DHX35: variants seen among roughly 807,000 people sequenced by gnomAD.
DHX35 encodes DEAH-box helicase 35.
Under a neutral mutation model 99.6 loss-of-function variants are expected in DHX35, and 84 were observed. The observed-to-expected ratio is 0.84, with a 90% CI of 0.71 to 1.01. DHX35 has a LOEUF of 1.01. DHX35 is among the 50% of genes least tolerant of loss of function. The probability of loss-of-function intolerance (pLI) is 0.00; values close to 1 mark genes in which losing one functional copy is unlikely to be tolerated. For synonymous variants in DHX35, 331 were observed against 316.2 expected (o/e 1.05, Z -0.50); for missense variants, 852 against 888.5 (o/e 0.96, Z 0.52).
At chr20:39,006,022 A>G (rs888164538) in intron 11 of DHX35, 124 bp from the exon 12 acceptor site, 2 of 1,108,236 alleles carry the variant, frequency 1.8e-6, no homozygotes, top group South Asian at 1.4e-5. Context: ...TCTTTCTAGT[A>G]TATTAAACTG....
chr20:38,963,324 G>A (rs2085863820), intron 1 of DHX35, among the ~76,000 whole-genome samples: 1 of 152,172 alleles, frequency 6.6e-6, no homozygotes, highest in Non-Finnish European at 1.5e-5. Context: ...GTATATTGCA[G>A]CAAAAATGAA....
chr20:38,988,666 G>A (rs1438133970), intron 4 of DHX35, 147 bp from the exon 5 acceptor site: 1 of 1,131,604 alleles, frequency 8.8e-7, no homozygotes, highest in Non-Finnish European at 1.2e-6. Context: ...AAGTTATTAT[G>A]CTTGTTCTCT....
chr20:39,018,539 A>C (rs3752299), intron 14 of DHX35, among the ~76,000 whole-genome samples: 2 of 151,094 alleles, frequency 1.3e-5, no homozygotes, highest in South Asian at 4.2e-4. Context: ...CTGCAGGGGG[A>C]TTTCCTTATA....
intron 9 of DHX35, among the ~76,000 whole-genome samples, 161 bp from the exon 10 acceptor site, chr20:39,002,611 A>G (rs982456790): frequency 6.6e-6 from 1 of 152,242 alleles, no homozygotes; most frequent in Non-Finnish European, 1.5e-5. Context: ...TGAATATTAG[A>G]TTTGAAAAAA....
intron 15 of DHX35, among the ~76,000 whole-genome samples, chr20:39,020,656 C>T (rs76871559): frequency 2.9e-3 from 307 of 105,092 alleles, no homozygotes; most frequent in African/African-American, 3.9e-3. Context: ...AAACAGGATT[C>T]TTTTTTTTTT....
chr20:38,964,112 G>T (rs2085875384), intron 1 of DHX35, among the ~76,000 whole-genome samples: 1 of 152,224 alleles, frequency 6.6e-6, no homozygotes, highest in African/African-American at 2.4e-5. Context: ...TATGGAAGAG[G>T]GAGGGAAAGT....
chr20:38,989,239 A>AGGCGACC (rs922658039), intron 5 of DHX35, among the ~76,000 whole-genome samples: 6 of 147,740 alleles, frequency 4.1e-5, no homozygotes, highest in African/African-American at 1.5e-4. Context: ...CTGGGACTAC[A>AGGCGACC]GGCGACCGTC....
chr20:38,994,857 G>A lies in DHX35; in HGVS notation c.619G>A (p.Ala207Thr). 1 of 1,613,642 alleles carries A rather than the reference G, an allele frequency of 6.2e-7. No homozygotes were observed. The highest frequency in any genetic ancestry group is 8.5e-7 in the Non-Finnish European group (1 of 1,179,710). ...GCGAGGGGATCTTCGATTGATTGTA[G>A]CTTCAGCCACTCTGGATGCAGACGT... ...KKRGDLRLIV[A>T]SATLDADKFR... The change falls in exon 8 of 22, where the codon GCT becomes ACT. Residue 207 changes from alanine to threonine, a missense_variant. Transcript: ENST00000252011.
At position 39,014,889 on chromosome 20, in the gene DHX35, G is replaced by T; in HGVS notation, c.1357G>T (p.Ala453Ser). 2 of 1,614,160 alleles carry T rather than the reference G, an allele frequency of 1.2e-6. No individual in the cohort carries two copies. Among genetic ancestry groups the T allele is most frequent in the African/African-American group, 2.7e-5 (2 of 75,030 alleles). Residue 453 changes from alanine to serine, a missense_variant, in exon 14 of 22, where the codon GCA becomes TCA. Coordinates refer to ENST00000252011, the MANE Select transcript of DHX35 (RefSeq NM_021931.4). ...LRFHFMSPPP[A>S]QSMVQALELL... Reference sequence around the variant, plus strand: ...TTTATGTTTTTTCCAGCCCCCTCCAGCACAGTCGATGGTTCAAGCCTTGGA... The same window carrying T: ...TTTATGTTTTTTCCAGCCCCCTCCATCACAGTCGATGGTTCAAGCCTTGGA...
chr20:38,995,939 A>G (rs2086422398), intron 8 of DHX35, among the ~76,000 whole-genome samples: 1 of 152,146 alleles, frequency 6.6e-6, no homozygotes, highest in Non-Finnish European at 1.5e-5. Context: ...TCATGGGTGA[A>G]TTACCCTTGA....
At chr20:39,005,528 A>G (rs2086601421) in intron 11 of DHX35, among the ~76,000 whole-genome samples, 1 of 152,228 alleles carries the variant, frequency 6.6e-6, no homozygotes, top group African/African-American at 2.4e-5. Context: ...TACATGTTAT[A>G]TACTACATCA....
chr20:38,999,323 C>G (rs2086480482), intron 8 of DHX35, among the ~76,000 whole-genome samples: 2 of 151,992 alleles, frequency 1.3e-5, no homozygotes, highest in Middle Eastern at 3.4e-3. Context: ...TCCTTGTTGG[C>G]TTCCTCTTGG....
intron 14 of DHX35, among the ~76,000 whole-genome samples, chr20:39,016,304 C>T (rs1443960946): frequency 6.6e-6 from 1 of 152,184 alleles, no homozygotes; most frequent in Non-Finnish European, 1.5e-5. Flanking sequence ...GGATCACCCT[C>T]ATGACCCATA....
chr20:38,966,145 A>G (rs2085907137), intron 1 of DHX35, among the ~76,000 whole-genome samples: 1 of 152,254 alleles, frequency 6.6e-6, no homozygotes, highest in Non-Finnish European at 1.5e-5. Context: ...GGAATGAGGA[A>G]TTAGGGATAT....
intron 14 of DHX35, among the ~76,000 whole-genome samples, chr20:39,017,565 CCGCCAG>C (rs2086806404): frequency 6.6e-6 from 1 of 152,224 alleles, no homozygotes; most frequent in African/African-American, 2.4e-5. Flanking sequence ...CCGCCTCCCC[CCGCCAG>C]CTTCATTTGA....
chr20:38,979,101 GT>G, intron 3 of DHX35, among the ~76,000 whole-genome samples: 1 of 151,618 alleles, frequency 6.6e-6, no homozygotes, highest in Non-Finnish European at 1.5e-5. Flanking sequence ...GCTTTGTAAC[GT>G]TTTTTGAAGT....
At chr20:39,009,391 T>G (rs2086665010) in intron 12 of DHX35, among the ~76,000 whole-genome samples, 1 of 151,956 alleles carries the variant, frequency 6.6e-6, no homozygotes, top group African/African-American at 2.4e-5. Flanking sequence ...TCGGGGATAG[T>G]GGTATTTCTT....
intron 2 of DHX35, among the ~76,000 whole-genome samples, chr20:38,972,343 G>A (rs1057247624): frequency 5.9e-5 from 9 of 152,176 alleles, no homozygotes; most frequent in Non-Finnish European, 7.4e-5. Context: ...TGTAAAGGGC[G>A]TATGCATTAT....
At chr20:38,973,082 G>A (rs550339885) in intron 3 of DHX35, among the ~76,000 whole-genome samples, 2 of 152,318 alleles carry the variant, frequency 1.3e-5, no homozygotes, top group Admixed American at 6.5e-5. Context: ...GATAGGAGTA[G>A]AAAGAAGGAT....
Sources: gnomAD v4.1 joint callset for allele counts (sites outside exome capture counted in the v4.1 genomes callset) on GRCh38, gnomAD v4.1.1 for gene constraint, MANE v1.5 for transcripts, NCBI Gene and HGNC (gene_info 2026-07-23, HGNC 2026-07-21) for gene names.